SORCS3: variants seen among roughly 807,000 people sequenced by gnomAD.
The protein encoded by SORCS3 is VPS10 domain-containing receptor SorCS3.
SORCS3 carries 57 observed loss-of-function variants against 146.3 expected under a neutral mutation model. The observed-to-expected ratio is 0.39, with a 90% CI of 0.31 to 0.49. The LOEUF (loss-of-function observed/expected upper bound fraction) is 0.49. Among genes scored for constraint, SORCS3 ranks in the 20% least tolerant of loss-of-function variants. The pLI is 0.92. For synonymous variants in SORCS3, 653 were observed against 618.5 expected (o/e 1.06, Z -0.83); for missense variants, 1,341 against 1,575.5 (o/e 0.85, Z 2.52).
At chr10:104,677,769 G>A (rs1162590476) in intron 1 of SORCS3, among the ~76,000 whole-genome samples, 1 of 152,124 alleles carries the variant, frequency 6.6e-6, no homozygotes, top group Non-Finnish European at 1.5e-5. Flanking sequence ...TCCCACCCCA[G>A]TAGCCAGTTG....
At chr10:105,178,463 T>G (rs574507165) in intron 14 of SORCS3, among the ~76,000 whole-genome samples, 4 of 152,290 alleles carry the variant, frequency 2.6e-5, no homozygotes, top group South Asian at 4.1e-4. Flanking sequence ...AGAAAACTTA[T>G]GTCGTTAGAT....
chr10:105,163,021 A>C (rs2056280002), intron 11 of SORCS3, among the ~76,000 whole-genome samples: 1 of 152,118 alleles, frequency 6.6e-6, no homozygotes, highest in African/African-American at 2.4e-5. Flanking sequence ...TAAAACCTGT[A>C]TCTGGGGAGT....
chr10:104,818,832 T>C (rs550228139), intron 1 of SORCS3, among the ~76,000 whole-genome samples: 1 of 152,182 alleles, frequency 6.6e-6, no homozygotes, highest in African/African-American at 2.4e-5. Context: ...TAAGCTGGTG[T>C]GTAGGGATGA....
intron 6 of SORCS3, among the ~76,000 whole-genome samples, chr10:105,095,658 A>G (rs56009746): frequency 0.09 from 13,275 of 147,326 alleles, 782 homozygotes; most frequent in East Asian, 0.16. Flanking sequence ...CTCAATCTCC[A>G]TGGGAGCCAT....
intron 20 of SORCS3, among the ~76,000 whole-genome samples, chr10:105,242,468 T>TTTA (rs2056832961): frequency 3.8e-5 from 3 of 78,944 alleles, no homozygotes; most frequent in South Asian, 4.5e-4. Context: ...ATTTATATAT[T>TTTA]TATATATTTA....
chr10:104,794,627 GAGAGAGAGA>G (rs1564685534), intron 1 of SORCS3, among the ~76,000 whole-genome samples: 14 of 142,420 alleles, frequency 9.8e-5, no homozygotes, highest in African/African-American at 2.9e-4. Flanking sequence ...GGGAGGGAGA[GAGAGAGAGA>G]GAGAGAGAGA....
intron 4 of SORCS3, among the ~76,000 whole-genome samples, chr10:105,039,005 G>C (rs1021556868): frequency 6.6e-6 from 1 of 152,094 alleles, no homozygotes; most frequent in South Asian, 2.1e-4. Context: ...TCAATACCAA[G>C]GCCTACTTTG....
Position 105,157,144 on chromosome 10 carries a change from G to C in SORCS3, c.1489G>C (p.Gly497Arg), listed in dbSNP as rs2056217048. ...CTCTCACCTTTTTTCCTAGGTAGCA[G>C]GTATCAAAGGGATATTTCTGGCAAA... The part of the protein sequence containing the change: ...NIIIELYEVA[G>R]IKGIFLANKK... The change falls in exon 10 of 27, where the codon GGT (glycine) becomes CGT (arginine). Residue 497 changes from glycine to arginine, a missense_variant. By Grantham distance (125) the Gly-to-Arg change is moderately radical (BLOSUM62 -2). Coordinates refer to ENST00000369701, the MANE Select transcript of SORCS3 (RefSeq NM_014978.3). The C allele has an allele frequency of 6.2e-7, 1 of 1,613,884 alleles. No homozygotes were observed. Among genetic ancestry groups the C allele is most frequent in the African/African-American group, 1.3e-5 (1 of 75,014 alleles).
intron 2 of SORCS3, among the ~76,000 whole-genome samples, chr10:104,848,135 G>T (rs1022810071): frequency 1.3e-5 from 2 of 152,052 alleles, no homozygotes; most frequent in Admixed American, 6.5e-5. Context: ...GAGACCTGAC[G>T]AAAGTTTTCA....
At chr10:105,036,007 C>A (rs1241824154) in intron 4 of SORCS3, among the ~76,000 whole-genome samples, 2 of 152,042 alleles carry the variant, frequency 1.3e-5, no homozygotes. Context: ...TACTTGAATC[C>A]TTTAGATGAC....
At chr10:104,784,396 G>T (rs376181370) in intron 1 of SORCS3, among the ~76,000 whole-genome samples, 11 of 152,298 alleles carry the variant, frequency 7.2e-5, no homozygotes, top group African/African-American at 1.4e-4. Context: ...TGTCAATAGT[G>T]CCAAGATTGA....
At chr10:104,732,716 C>G (rs1376753678) in intron 1 of SORCS3, among the ~76,000 whole-genome samples, 1 of 152,108 alleles carries the variant, frequency 6.6e-6, no homozygotes, top group African/African-American at 2.4e-5. Context: ...CTCCACTTCG[C>G]TGAAAAAAAT....
intron 5 of SORCS3, among the ~76,000 whole-genome samples, chr10:105,059,998 G>A (rs533862096): frequency 6.6e-6 from 1 of 152,320 alleles, no homozygotes; most frequent in African/African-American, 2.4e-5. Flanking sequence ...CAAAAGCTAA[G>A]CTGATACAGT....
chr10:105,014,630 G>A (rs542632412), intron 4 of SORCS3, among the ~76,000 whole-genome samples: 1 of 152,224 alleles, frequency 6.6e-6, no homozygotes, highest in South Asian at 2.1e-4. Flanking sequence ...GGAGTGAATA[G>A]CCATACCATT....
chr10:105,003,888 T>A (rs1442200009), intron 4 of SORCS3, among the ~76,000 whole-genome samples: 4 of 152,156 alleles, frequency 2.6e-5, no homozygotes, highest in African/African-American at 9.7e-5. Flanking sequence ...TGTGGGCACT[T>A]CATTTTTCAT....
At chr10:104,658,316 G>A (rs1174198541) in intron 1 of SORCS3, among the ~76,000 whole-genome samples, 1 of 152,206 alleles carries the variant, frequency 6.6e-6, no homozygotes, top group East Asian at 1.9e-4. Flanking sequence ...GAGAAAAATA[G>A]CAGAGAGGTC....
At chr10:105,103,698 G>T (rs978096806) in intron 6 of SORCS3, among the ~76,000 whole-genome samples, 3 of 152,198 alleles carry the variant, frequency 2.0e-5, no homozygotes, top group African/African-American at 7.2e-5. Flanking sequence ...GATGACTGTT[G>T]ATGGGGCGAA....
chr10:105,252,904 C>A lies in SORCS3; in HGVS notation c.3235C>A (p.Gln1079Lys), dbSNP rs1279046526. 6.2e-7 allele frequency: 1 copy of A among 1,613,632 alleles called. No homozygotes were observed. The highest frequency in any genetic ancestry group is 8.5e-7 in the Non-Finnish European group (1 of 1,179,776). Reference protein sequence around the residue: ...RRKGNEGDLEQIVETLFNALN... With the variant: ...RRKGNEGDLEKIVETLFNALN... ...GAAAGGCAATGAAGGGGACCTGGAA[C>A]AAGTAAGTGAAAGTAAATCTGGCTG... Residue 1079 changes from glutamine to lysine, a missense_variant and splice_region_variant, in exon 23 of 27, where the codon CAA (glutamine) becomes AAA (lysine). Gln to Lys is a moderately conservative substitution (Grantham distance 53, BLOSUM62 1). Coordinates refer to ENST00000369701, the MANE Select transcript of SORCS3 (RefSeq NM_014978.3).
At chr10:105,035,630 G>T (rs1208239792) in intron 4 of SORCS3, among the ~76,000 whole-genome samples, 1 of 151,892 alleles carries the variant, frequency 6.6e-6, no homozygotes, top group Non-Finnish European at 1.5e-5. Context: ...ACCAGGCCTG[G>T]CTAATTTTTG....
Sources: gnomAD v4.1 joint callset for allele counts (sites outside exome capture counted in the v4.1 genomes callset) on GRCh38, gnomAD v4.1.1 for gene constraint, MANE v1.5 for transcripts, NCBI Gene and HGNC (gene_info 2026-07-23, HGNC 2026-07-21) for gene names.